The following RBFOX1 variants were observed in gnomAD, a reference collection of about 807,000 sequenced individuals.
RBFOX1 encodes RNA binding fox-1 homolog 1, also known as RNA binding protein fox-1 homolog 1.
RBFOX1 carries 8 observed loss-of-function variants against 57.7 expected under a neutral mutation model. The observed-to-expected ratio is 0.14, with a 90% CI of 0.08 to 0.25. The LOEUF is 0.25. Among genes scored for constraint, RBFOX1 ranks in the 10% least tolerant of loss-of-function variants. RBFOX1 has a pLI of 1.00. For synonymous variants in RBFOX1, 326 were observed against 222.4 expected (o/e 1.47, Z -4.15); for missense variants, 611 against 548.5 (o/e 1.11, Z -1.14).
At chr16:7,127,247 G>A (rs1276696086) in intron 4 of RBFOX1, among the ~76,000 whole-genome samples, 1 of 152,114 alleles carries the variant, frequency 6.6e-6, no homozygotes, top group South Asian at 2.1e-4. Flanking sequence ...ATACTTTCCT[G>A]TATCCATGGT....
chr16:5,311,892 C>T (rs1314353866), intron 1 of RBFOX1, among the ~76,000 whole-genome samples: 1 of 152,178 alleles, frequency 6.6e-6, no homozygotes, highest in African/African-American at 2.4e-5. Flanking sequence ...CTTCTCTTGA[C>T]TCCCATGGTC....
intron 15 of RBFOX1, 28 bp downstream of exon 15, chr16:7,709,159 C>T: frequency 1.9e-6 from 3 of 1,573,778 alleles, no homozygotes; most frequent in Non-Finnish European, 8.7e-7. Context: ...CTTGTCCTCA[C>T]TTCCTCCTGC....
intron 9 of RBFOX1, 85 bp downstream of exon 9, chr16:7,597,516 C>T: frequency 8.2e-7 from 1 of 1,217,620 alleles, no homozygotes; most frequent in Non-Finnish European, 1.2e-6. Flanking sequence ...TTACAACAAG[C>T]TGTGTTTGCC....
At chr16:7,159,672 G>A (rs1335014563) in intron 4 of RBFOX1, among the ~76,000 whole-genome samples, 4 of 152,186 alleles carry the variant, frequency 2.6e-5, no homozygotes, top group African/African-American at 9.7e-5. Context: ...ATTTGCAGAA[G>A]GCAGTTTTGT....
intron 2 of RBFOX1, among the ~76,000 whole-genome samples, chr16:5,536,470 A>C (rs980410222): frequency 6.6e-6 from 1 of 152,090 alleles, no homozygotes; most frequent in Non-Finnish European, 1.5e-5. Flanking sequence ...TCCTGACCTC[A>C]GGTGATCTGT....
chr16:7,600,557 G>A (rs1422307959), intron 9 of RBFOX1, among the ~76,000 whole-genome samples: 3 of 152,136 alleles, frequency 2.0e-5, no homozygotes, highest in Non-Finnish European at 2.9e-5. Context: ...TTAAGCCATC[G>A]GTGAGGTTCA....
At chr16:5,294,603 C>A (rs1163422240) in intron 1 of RBFOX1, among the ~76,000 whole-genome samples, 1 of 152,144 alleles carries the variant, frequency 6.6e-6, no homozygotes, top group African/African-American at 2.4e-5. Context: ...GGGCCGAGGA[C>A]TGTACATATT....
At chr16:7,106,507 T>C (rs138561834) in intron 4 of RBFOX1, among the ~76,000 whole-genome samples, 128 of 152,274 alleles carry the variant, frequency 8.4e-4, no homozygotes, top group African/African-American at 3.0e-3. Flanking sequence ...ATTCAGTAGG[T>C]CATTAATTCT....
At chr16:5,663,709 G>C (rs572950144) in intron 3 of RBFOX1, among the ~76,000 whole-genome samples, 45 of 152,294 alleles carry the variant, frequency 3.0e-4, no homozygotes, top group Admixed American at 2.8e-3. Context: ...CATGTAGAGC[G>C]CCCTGCTGCC....
intron 2 of RBFOX1, among the ~76,000 whole-genome samples, chr16:6,325,001 C>G (rs1278687781): frequency 2.6e-5 from 4 of 152,118 alleles, no homozygotes; most frequent in Non-Finnish European, 5.9e-5. Context: ...TTTCTCTTTG[C>G]TATAATGAGA....
chr16:6,769,728 C>A (rs1365415162), intron 3 of RBFOX1, among the ~76,000 whole-genome samples: 1 of 152,114 alleles, frequency 6.6e-6, no homozygotes, highest in East Asian at 1.9e-4. Flanking sequence ...TTGATCTTGG[C>A]TGATAATTTG....
At chr16:5,450,277 GC>G (rs2068381904) in intron 1 of RBFOX1, among the ~76,000 whole-genome samples, 1 of 152,188 alleles carries the variant, frequency 6.6e-6, no homozygotes, top group Admixed American at 6.5e-5. Flanking sequence ...TAACAAGGGG[GC>G]AAGTCTGAGG....
At chr16:6,463,616 C>T (rs2094970219) in intron 2 of RBFOX1, among the ~76,000 whole-genome samples, 1 of 152,132 alleles carries the variant, frequency 6.6e-6, no homozygotes, top group African/African-American at 2.4e-5. Flanking sequence ...CCAAGGGTTG[C>T]TCTAAGCTTA....
chr16:6,965,481 C>T (rs1479372315), intron 3 of RBFOX1, among the ~76,000 whole-genome samples: 2 of 152,022 alleles, frequency 1.3e-5, no homozygotes, highest in South Asian at 2.1e-4. Flanking sequence ...GGATTACAGG[C>T]GTGCGCCACC....
intron 3 of RBFOX1, among the ~76,000 whole-genome samples, chr16:5,780,460 A>G: frequency 6.6e-6 from 1 of 152,364 alleles, no homozygotes; most frequent in Non-Finnish European, 1.5e-5. Flanking sequence ...ACACAAGGGA[A>G]TGAATATGAG....
intron 2 of RBFOX1, among the ~76,000 whole-genome samples, chr16:6,599,721 C>G (rs902518731): frequency 3.3e-5 from 5 of 152,190 alleles, no homozygotes; most frequent in Admixed American, 3.3e-4. Flanking sequence ...ACTCTGTTTC[C>G]CATCCCAGTG....
chr16:5,680,729 T>G (rs1426866637), intron 3 of RBFOX1, among the ~76,000 whole-genome samples: 2 of 152,276 alleles, frequency 1.3e-5, no homozygotes, highest in East Asian at 3.9e-4. Flanking sequence ...ACTAAAAACA[T>G]CTTTACACTC....
At chr16:7,028,605 CACACAAAAA>C (rs1315334551) in intron 3 of RBFOX1, among the ~76,000 whole-genome samples, 1 of 37,414 alleles carries the variant, frequency 2.7e-5, no homozygotes, top group African/African-American at 1.2e-4. Flanking sequence ...CACACACACA[CACACAAAAA>C]AAAAAAAAAA....
intron 4 of RBFOX1, among the ~76,000 whole-genome samples, chr16:7,444,709 AT>A (rs1239884542): frequency 6.6e-6 from 1 of 152,000 alleles, no homozygotes; most frequent in Non-Finnish European, 1.5e-5. Flanking sequence ...TTTTTACATT[AT>A]TTGTAGAGGT....
Sources: gnomAD v4.1 joint callset for allele counts (sites outside exome capture counted in the v4.1 genomes callset) on GRCh38, gnomAD v4.1.1 for gene constraint, MANE v1.5 for transcripts, NCBI Gene and HGNC (gene_info 2026-07-23, HGNC 2026-07-21) for gene names.